The following SCMH1 variants were observed in gnomAD, a reference collection of about 807,000 sequenced individuals.
SCMH1 encodes Scm polycomb group protein homolog 1, also known as polycomb protein SCMH1.
Under a neutral mutation model 70.8 loss-of-function variants are expected in SCMH1, and 37 were observed. The ratio of observed to expected loss-of-function variants is 0.52; its 90% confidence interval spans 0.40 to 0.69. The LOEUF is 0.69. SCMH1 is among the 30% of genes least tolerant of loss of function. The pLI, the probability that SCMH1 is intolerant of heterozygous loss-of-function variation, is 0.00. For missense variants in SCMH1, 607 were observed against 827.3 expected (o/e 0.73, Z 3.27); for synonymous variants, 292 against 307.4 (o/e 0.95, Z 0.52).
At chr1:41,098,066 A>T (rs780185366) in intron 8 of SCMH1, among the ~76,000 whole-genome samples, 1 of 152,194 alleles carries the variant, frequency 6.6e-6, no homozygotes, top group Non-Finnish European at 1.5e-5. Flanking sequence ...ACAAATCCCA[A>T]TAAGTTCTAT....
chr1:41,223,266 C>A (rs11209718), intron 1 of SCMH1, among the ~76,000 whole-genome samples: 1 of 152,000 alleles, frequency 6.6e-6, no homozygotes, highest in Non-Finnish European at 1.5e-5. Context: ...TGAAAACTCA[C>A]AGTAATGCAA....
chr1:41,034,695 G>A (rs957545278), intron 13 of SCMH1, among the ~76,000 whole-genome samples: 4 of 151,956 alleles, frequency 2.6e-5, no homozygotes, highest in East Asian at 1.9e-4. Context: ...TCACTCATGC[G>A]TCCCTGGGCT....
chr1:41,039,005 A>C lies in SCMH1; in HGVS notation c.1499-1464T>G, dbSNP rs188950225. ...CAAATGAGAAAATGGAATGGGAGGAACTTTATGAATGTGAAAAATTGTTAT... is the reference window on the plus strand; with the variant it reads ...CAAATGAGAAAATGGAATGGGAGGACCTTTATGAATGTGAAAAATTGTTAT... On this transcript the variant is annotated intron_variant, in intron 12 of 14. Transcript: ENST00000337495. Among the ~76,000 whole-genome samples, 4 of 152,358 alleles carry C rather than the reference A, an allele frequency of 2.6e-5. No homozygotes were observed. In the East Asian group the frequency reaches 7.7e-4, roughly 29 times the overall value.
chr1:41,237,538 A>C (rs574835781), intron 1 of SCMH1, among the ~76,000 whole-genome samples: 2 of 152,304 alleles, frequency 1.3e-5, no homozygotes, highest in South Asian at 4.1e-4. Context: ...AATCAACTCC[A>C]AACTGCATCA....
At chr1:41,030,174 T>C (rs749284282) in intron 13 of SCMH1, among the ~76,000 whole-genome samples, 14 of 152,222 alleles carry the variant, frequency 9.2e-5, no homozygotes, top group East Asian at 1.9e-4. Context: ...GTGAGCGCCA[T>C]TGCAGTCCAG....
chr1:41,094,780 T>G (rs1242101972), intron 8 of SCMH1, among the ~76,000 whole-genome samples: 2 of 151,442 alleles, frequency 1.3e-5, no homozygotes, highest in Admixed American at 6.6e-5. Flanking sequence ...TCCCAGCTAA[T>G]CAGGTGGCTA....
At chr1:41,130,644 C>T (rs953575822) in intron 6 of SCMH1, among the ~76,000 whole-genome samples, 2 of 152,184 alleles carry the variant, frequency 1.3e-5, no homozygotes, top group African/African-American at 2.4e-5. Flanking sequence ...ACAATTCACA[C>T]ACCATAAAAT....
intron 1 of SCMH1, among the ~76,000 whole-genome samples, chr1:41,222,640 T>A (rs1223885972): frequency 1.3e-5 from 2 of 152,162 alleles, no homozygotes; most frequent in Non-Finnish European, 2.9e-5. Flanking sequence ...TCCAGACACC[T>A]GGCACCCTAA....
chr1:41,167,252 C>T (rs1157590242), intron 2 of SCMH1, among the ~76,000 whole-genome samples: 1 of 152,092 alleles, frequency 6.6e-6, no homozygotes, highest in Non-Finnish European at 1.5e-5. Flanking sequence ...AAGATTTTTG[C>T]ATCCATGTTC....
chr1:41,087,129 A>G (rs914111218), intron 8 of SCMH1, among the ~76,000 whole-genome samples: 2 of 152,192 alleles, frequency 1.3e-5, no homozygotes, highest in Non-Finnish European at 2.9e-5. Flanking sequence ...TACTAGGGCA[A>G]AGATGAAGAC....
In SCMH1 at chr1:41,033,439, G is replaced by A. The variant is rs182616590; in HGVS notation, c.1678+3923C>T. 8.5e-4 allele frequency among the ~76,000 whole-genome samples: 130 copies of A among 152,204 alleles called. 1 individual carries two copies. Among genetic ancestry groups the A allele is most frequent in the African/African-American group, 2.7e-3 (113 of 41,532 alleles). ...GTCAACTCATTTGACCTTTAAAATA[G>A]CCCTTGAAGGAGGCGTTATCACCAT... On this transcript the variant is annotated intron_variant, in intron 13 of 14. Coordinates refer to ENST00000337495, the Ensembl canonical transcript of SCMH1.
At chr1:41,120,272 T>A (rs1321117464) in intron 6 of SCMH1, among the ~76,000 whole-genome samples, 1 of 152,188 alleles carries the variant, frequency 6.6e-6, no homozygotes, top group East Asian at 1.9e-4. Flanking sequence ...GCTTTGGAAA[T>A]CATTACAATA....
At chr1:41,125,065 T>C (rs1348467177) in intron 6 of SCMH1, among the ~76,000 whole-genome samples, 1 of 152,244 alleles carries the variant, frequency 6.6e-6, no homozygotes, top group Admixed American at 6.5e-5. Context: ...TTTCCCTTTG[T>C]AATTTACAGG....
intron 6 of SCMH1, among the ~76,000 whole-genome samples, chr1:41,125,651 C>T (rs1441205454): frequency 6.6e-6 from 1 of 151,916 alleles, no homozygotes; most frequent in Non-Finnish European, 1.5e-5. Flanking sequence ...TGGCTCACTG[C>T]AGCCTCGACC....
chr1:41,039,381 C>G (rs1645772183), intron 12 of SCMH1, among the ~76,000 whole-genome samples: 1 of 152,142 alleles, frequency 6.6e-6, no homozygotes, highest in African/African-American at 2.4e-5. Flanking sequence ...GTACTGAAAG[C>G]ATCATGCTCC....
chr1:41,032,566 T>C (rs1019747329), intron 13 of SCMH1, among the ~76,000 whole-genome samples: 1 of 152,196 alleles, frequency 6.6e-6, no homozygotes, highest in African/African-American at 2.4e-5. Context: ...CTGGCTTTTC[T>C]GAGTGAAATA....
intron 10 of SCMH1, 105 bp downstream of exon 10, chr1:41,070,490 C>T (rs1043776280): frequency 2.9e-6 from 4 of 1,370,098 alleles, no homozygotes; most frequent in South Asian, 1.7e-5. Context: ...AATATTTTAC[C>T]TAGGTTTACA....
At chr1:41,035,457 C>T (rs1645154503) in intron 13 of SCMH1, among the ~76,000 whole-genome samples, 1 of 152,144 alleles carries the variant, frequency 6.6e-6, no homozygotes, top group East Asian at 1.9e-4. Flanking sequence ...TCCTGCAAAT[C>T]ATCCCCTTTT....
chr1:41,210,620 T>C lies in SCMH1; in HGVS notation c.-117-24370A>G, dbSNP rs543072446. ...CAAGAAATAGGGGAAGGATTCCCTA[T>C]TTAATAAATGGTGCTGGGGAAACTG... On this transcript the variant is annotated intron_variant, in intron 1 of 14. Transcript: ENST00000337495. Among the ~76,000 whole-genome samples, 7 of 152,286 alleles carry C rather than the reference T, an allele frequency of 4.6e-5. No individual in the cohort carries two copies. In the East Asian group the frequency reaches 1.4e-3, roughly 29 times the overall value.
Sources: allele counts gnomAD v4.1 joint callset (sites outside exome capture counted in the v4.1 genomes callset), GRCh38; gene constraint gnomAD v4.1.1; transcripts MANE v1.5; gene names NCBI Gene and HGNC (gene_info 2026-07-23, HGNC 2026-07-21).